The following AHI1 variants were observed in gnomAD, a reference collection of about 807,000 sequenced individuals.
The protein encoded by AHI1 is jouberin.
AHI1 carries 123 observed loss-of-function variants against 149.3 expected under a neutral mutation model. The ratio of observed to expected loss-of-function variants is 0.82; its 90% CI spans 0.71 to 0.96. AHI1 has a LOEUF of 0.96. Among genes scored for constraint, AHI1 ranks in the 40% least tolerant of loss-of-function variants. The pLI, the probability that AHI1 is intolerant of heterozygous loss-of-function variation, is 0.00. For synonymous variants in AHI1, 475 were observed against 459.8 expected, an observed-to-expected ratio of 1.03 and a Z score of -0.42; for missense variants, 1,439 against 1,422.7, an observed-to-expected ratio of 1.01 and a Z score of -0.18.
At chr6:135,440,427 C>T (rs962619791) in intron 14 of AHI1, among the ~76,000 whole-genome samples, 1 of 152,098 alleles carries the variant, frequency 6.6e-6, no homozygotes, top group African/African-American at 2.4e-5. Context: ...CATGAGATGT[C>T]CATAGGGGAC....
intron 23 of AHI1, among the ~76,000 whole-genome samples, chr6:135,393,836 T>C (rs903347686): frequency 7.2e-5 from 11 of 152,018 alleles, no homozygotes; most frequent in African/African-American, 2.7e-4. Context: ...TCATTTTCAG[T>C]TTTCAAATGA....
intron 26 of AHI1, chr6:135,302,572 T>C: frequency 9.0e-7 from 1 of 1,114,744 alleles, no homozygotes; most frequent in Non-Finnish European, 1.1e-6. Flanking sequence ...TTTTTAATGA[T>C]GCAGAGGCAG....
At chr6:135,416,229 A>G (rs1228573065) in intron 20 of AHI1, among the ~76,000 whole-genome samples, 1 of 152,134 alleles carries the variant, frequency 6.6e-6, no homozygotes, top group African/African-American at 2.4e-5. Flanking sequence ...TTCCCATGAA[A>G]TCCATTAAAA....
chr6:135,366,417 G>A (rs1238291561), intron 23 of AHI1, among the ~76,000 whole-genome samples: 1 of 151,946 alleles, frequency 6.6e-6, no homozygotes, highest in African/African-American at 2.4e-5. Flanking sequence ...ATCTAGTCCT[G>A]GACTTATTTT....
chr6:135,300,612 C>T (rs1783750145), intron 26 of AHI1, 54 bp from the exon 27 acceptor site: 15 of 1,560,358 alleles, frequency 9.6e-6, no homozygotes, highest in Non-Finnish European at 1.3e-5. Context: ...AAAGACAACA[C>T]AGTCAATATT....
intron 21 of AHI1, among the ~76,000 whole-genome samples, chr6:135,405,183 A>G (rs541853306): frequency 3.3e-5 from 5 of 152,318 alleles, no homozygotes; most frequent in African/African-American, 1.2e-4. Flanking sequence ...TGCCCAAACA[A>G]ATGGCACTGT....
intron 13 of AHI1, among the ~76,000 whole-genome samples, chr6:135,444,549 C>T (rs780928768): frequency 6.6e-6 from 1 of 152,194 alleles, no homozygotes; most frequent in African/African-American, 2.4e-5. Flanking sequence ...CTTGAGCATC[C>T]TAGTCTATCT....
At chr6:135,354,097 T>C (rs1384493516) in intron 24 of AHI1, among the ~76,000 whole-genome samples, 1 of 152,132 alleles carries the variant, frequency 6.6e-6, no homozygotes, top group Non-Finnish European at 1.5e-5. Flanking sequence ...GATAGATGTG[T>C]AGGCCTCTGT....
rs771131198 is a variant in AHI1 at position 135,463,243 on chromosome 6, T to C, written c.813A>G (p.Ser271=). The C allele has an allele frequency of 1.9e-6, 3 of 1,610,946 alleles. No individual in the cohort carries two copies. Among genetic ancestry groups the C allele is most frequent in the African/African-American group, 2.7e-5 (2 of 74,498 alleles). The change falls in exon 8 of 29, where the codon TCA becomes TCG. Residue 271 remains serine (S), a synonymous_variant. Transcript: ENST00000265602. The stretch of plus-strand genomic sequence containing the variant: ...CATCTTGATGAGAATCTGAAGAAAC[T>C]GATCTAACTGAAGATTCTTTCTTTT... The part of the protein sequence containing the change: ...GEQKKESSVR[S]VSSDSHQDDE...
At chr6:135,372,605 G>A (rs1249434945) in intron 23 of AHI1, among the ~76,000 whole-genome samples, 2 of 152,156 alleles carry the variant, frequency 1.3e-5, no homozygotes, top group African/African-American at 4.8e-5. Context: ...AGTTGAGCCT[G>A]GGAGGTCAAG....
intron 5 of AHI1, among the ~76,000 whole-genome samples, chr6:135,470,828 G>C (rs1309694114): frequency 1.3e-5 from 2 of 152,022 alleles, no homozygotes; most frequent in Middle Eastern, 3.2e-3. Flanking sequence ...AATAGCTAAT[G>C]CATGTGTGGC....
chr6:135,357,206 G>A (rs1438172805), intron 24 of AHI1, among the ~76,000 whole-genome samples: 1 of 152,100 alleles, frequency 6.6e-6, no homozygotes. Flanking sequence ...CAAAGTGCTG[G>A]GATTACAGGC....
At chr6:135,350,460 T>A (rs1791911687) in intron 24 of AHI1, among the ~76,000 whole-genome samples, 1 of 152,236 alleles carries the variant, frequency 6.6e-6, no homozygotes. Context: ...TCATCATATA[T>A]ACATTTATTC....
chr6:135,313,535 G>A (rs1423999299), intron 26 of AHI1, among the ~76,000 whole-genome samples: 7 of 152,150 alleles, frequency 4.6e-5, no homozygotes, highest in African/African-American at 7.2e-5. Context: ...GGTGACTGAC[G>A]ATGGTATCTG....
At position 135,408,954 on chromosome 6, in the gene AHI1, C is replaced by G. The variant is rs151261550; in HGVS notation, c.2961+2394G>C. On this transcript the variant is annotated intron_variant, in intron 21 of 28. Coordinates refer to ENST00000265602, the MANE Select transcript of AHI1 (RefSeq NM_001134831.2). ...CTACCTTTAACAAAGCATCTTCCTC[C>G]TCATCATTTTCATGATCTATTTTCC... Among the ~76,000 whole-genome samples, 1,042 of 152,242 alleles carry G rather than the reference C, an allele frequency of 6.8e-3. 13 individuals are homozygous for G. Among genetic ancestry groups the G allele is most frequent in the African/African-American group, 0.024 (982 of 41,568 alleles).
intron 23 of AHI1, among the ~76,000 whole-genome samples, chr6:135,375,487 A>G (rs1350718078): frequency 2.0e-5 from 3 of 152,228 alleles, no homozygotes; most frequent in Non-Finnish European, 2.9e-5. Context: ...AGATGTTTTC[A>G]TATACATGGT....
chr6:135,388,536 G>A (rs1777947520), intron 23 of AHI1, among the ~76,000 whole-genome samples: 1 of 152,090 alleles, frequency 6.6e-6, no homozygotes, highest in Non-Finnish European at 1.5e-5. Context: ...TATGATCCAG[G>A]ATTCATTTCA....
intron 5 of AHI1, among the ~76,000 whole-genome samples, chr6:135,472,900 T>G (rs930382832): frequency 6.6e-6 from 1 of 152,212 alleles, no homozygotes; most frequent in African/African-American, 2.4e-5. Flanking sequence ...TTGTATCAGA[T>G]AGTGCTTTAA....
At chr6:135,389,368 A>G (rs1187812680) in intron 23 of AHI1, among the ~76,000 whole-genome samples, 1 of 152,136 alleles carries the variant, frequency 6.6e-6, no homozygotes, top group East Asian at 1.9e-4. Flanking sequence ...TCGATGCACA[A>G]GAGTTAGCTT....
Sources: allele counts gnomAD v4.1 joint callset (sites outside exome capture counted in the v4.1 genomes callset), GRCh38; gene constraint gnomAD v4.1.1; transcripts MANE v1.5; gene names NCBI Gene and HGNC (gene_info 2026-07-23, HGNC 2026-07-21).